Variants in AKAP13 observed in about 807,000 individuals in gnomAD.
AKAP13 encodes the protein A-kinase anchoring protein 13.
AKAP13 carries 80 observed loss-of-function variants against 264.5 expected under a neutral mutation model. The observed-to-expected ratio is 0.30, with a 90% confidence interval of 0.25 to 0.36. AKAP13 has a LOEUF of 0.36. Ranked by LOEUF, AKAP13 falls within the 10% of genes least tolerant of loss-of-function variation. The probability of loss-of-function intolerance (pLI) is 1.00; values close to 1 mark genes in which losing one functional copy is unlikely to be tolerated. For missense variants in AKAP13, 3,712 were observed against 3,435.2 expected (o/e 1.08, Z -2.01); for synonymous variants, 1,380 against 1,250.2 (o/e 1.10, Z -2.19).
intron 2 of AKAP13, among the ~76,000 whole-genome samples, chr15:85,495,230 A>G (rs1054568105): frequency 3.9e-5 from 6 of 152,172 alleles, no homozygotes; most frequent in African/African-American, 1.4e-4. Context: ...TGTAAAGCTC[A>G]GTTCCCATGG....
intron 8 of AKAP13, chr15:85,621,397 C>T (rs1429649341): frequency 6.6e-6 from 1 of 152,130 alleles, no homozygotes; most frequent in Non-Finnish European, 1.5e-5. Flanking sequence ...TTTGGTTTCT[C>T]AGAAATGTGA....
chr15:85,698,465 C>CAAA (rs35509705), intron 17 of AKAP13, among the ~76,000 whole-genome samples: 16,989 of 103,666 alleles, frequency 0.16, 1,864 homozygotes, highest in Non-Finnish European at 0.21. Flanking sequence ...ACTCTGTCTC[C>CAAA]AAAAAAAAAA....
chr15:85,635,013 G>T, intron 8 of AKAP13: 2 of 397,700 alleles, frequency 5.0e-6, no homozygotes, highest in South Asian at 2.6e-4. Context: ...GAGCTCTCAT[G>T]AATTAAAGCG....
chr15:85,557,216 C>G (rs2078183087), intron 5 of AKAP13, among the ~76,000 whole-genome samples: 1 of 152,130 alleles, frequency 6.6e-6, no homozygotes, highest in Admixed American at 6.5e-5. Context: ...TTTTTTAGCC[C>G]TCATTTCAGC....
At chr15:85,432,585 AACTTT>A (rs2073069988) in intron 1 of AKAP13, among the ~76,000 whole-genome samples, 1 of 152,182 alleles carries the variant, frequency 6.6e-6, no homozygotes, top group Non-Finnish European at 1.5e-5. Context: ...AACCAGGAAA[AACTTT>A]ACTTTGTTAT....
intron 3 of AKAP13, among the ~76,000 whole-genome samples, chr15:85,532,983 T>A (rs528029362): frequency 6.6e-6 from 1 of 152,376 alleles, no homozygotes; most frequent in African/African-American, 2.4e-5. Context: ...TGGGAAATAA[T>A]GTGTATCTGA....
rs1160050565 is a variant in AKAP13, at chr15:85,458,386, G to GTTT, written c.-11-27320_-11-27318dup. Among the ~76,000 whole-genome samples the GTTT allele has an allele frequency of 1.1e-3, 112 of 103,876 alleles. 1 individual carries two copies. The highest frequency in any genetic ancestry group is 4.6e-3 in the Middle Eastern group (1 of 218). 68.1% of individuals were successfully genotyped at this position (103,876 alleles called of 152,430 possible). On this transcript the variant is annotated intron_variant, in intron 1 of 36. Transcript: ENST00000394518. ...TTTTTTCTCTTTTTTTGTATTTTTTGTTTTTTGTTTTTTTTTTTTTTTACT... is the reference window on the plus strand; with the variant it reads ...TTTTTTCTCTTTTTTTGTATTTTTTGTTTTTTTTTGTTTTTTTTTTTTTTTACT...
At chr15:85,716,462 T>A (rs1039785870) in intron 20 of AKAP13, among the ~76,000 whole-genome samples, 3 of 152,218 alleles carry the variant, frequency 2.0e-5, no homozygotes, top group African/African-American at 2.4e-5. Context: ...TGGCCAGGCC[T>A]TGGCTGTCAA....
intron 8 of AKAP13, among the ~76,000 whole-genome samples, chr15:85,605,704 A>G (rs1037782281): frequency 5.9e-5 from 9 of 152,228 alleles, no homozygotes; most frequent in Non-Finnish European, 1.0e-4. Flanking sequence ...ATAAAAATCA[A>G]TATGTATTTA....
intron 1 of AKAP13, among the ~76,000 whole-genome samples, chr15:85,388,788 A>G (rs1479307913): frequency 6.6e-6 from 1 of 152,244 alleles, no homozygotes; most frequent in Non-Finnish European, 1.5e-5. Flanking sequence ...TTCATTTTAA[A>G]AATAGGTTCT....
intron 14 of AKAP13, among the ~76,000 whole-genome samples, chr15:85,673,807 T>C (rs1011122031): frequency 3.4e-5 from 5 of 148,524 alleles, no homozygotes; most frequent in African/African-American, 1.2e-4. Context: ...TGCCTCAACC[T>C]CCCGAGTAGC....
chr15:85,477,035 C>T (rs1165540068), intron 1 of AKAP13, among the ~76,000 whole-genome samples: 1 of 151,992 alleles, frequency 6.6e-6, no homozygotes, highest in African/African-American at 2.4e-5. Context: ...AAACTGTGAT[C>T]ACATTTTATG....
At chr15:85,544,738 A>C (rs2077678972) in intron 5 of AKAP13, among the ~76,000 whole-genome samples, 2 of 152,182 alleles carry the variant, frequency 1.3e-5, no homozygotes, top group African/African-American at 4.8e-5. Flanking sequence ...ATACATTTTT[A>C]TTAGTTTTGT....
intron 2 of AKAP13, among the ~76,000 whole-genome samples, chr15:85,511,944 T>G (rs528473650): frequency 7.9e-5 from 12 of 152,330 alleles, no homozygotes; most frequent in Non-Finnish European, 1.5e-4. Flanking sequence ...TTCTTTTTCC[T>G]TCTTAGGACG....
In AKAP13 at chr15:85,613,691, A is replaced by AAAAAAATATATATATATAT. The variant is rs1313187436; in HGVS notation, c.4162-25682_4162-25681insAAAAATATATATATATATA. Among the ~76,000 whole-genome samples, 140 of 91,910 alleles carry AAAAAAATATATATATATAT rather than the reference A, an allele frequency of 1.5e-3. 1 individual carries two copies. The highest frequency in any genetic ancestry group is 5.8e-3 in the African/African-American group (127 of 21,882). The allele number at this position is 91,910 out of a possible 152,430, so 60.3% of individuals were successfully genotyped here. A position where few individuals can be genotyped will look rare whatever the true frequency, so the allele number is the denominator to read the frequency against. On this transcript the variant is annotated intron_variant, in intron 8 of 36. Coordinates refer to ENST00000394518, the MANE Select transcript of AKAP13 (RefSeq NM_007200.5). ...GCCAGACTCCGTCTAAAAAAAAAAA[A>AAAAAAATATATATATATAT]ATATATATATATATATATATATTAG...
intron 1 of AKAP13, among the ~76,000 whole-genome samples, chr15:85,432,147 G>C (rs1300536079): frequency 6.6e-6 from 1 of 151,864 alleles, no homozygotes; most frequent in African/African-American, 2.4e-5. Context: ...ATGGAAAATA[G>C]CTTTCTCTTT....
chr15:85,537,652 T>C lies in AKAP13; in HGVS notation c.478+3772T>C, dbSNP rs531488132. On this transcript the variant is annotated intron_variant, in intron 4 of 36. Coordinates refer to ENST00000394518, the MANE Select transcript of AKAP13 (RefSeq NM_007200.5). ...AGAATTCTGGGTTTAACTTTGCTCT[T>C]ACAAAGTGGGAAAAGCAGGGGCATT... is the stretch of plus-strand genomic sequence containing the variant. 2.6e-4 allele frequency among the ~76,000 whole-genome samples: 39 copies of C among 152,364 alleles called. 1 individual carries two copies. Among genetic ancestry groups the C allele is most frequent in the African/African-American group, 9.4e-4 (39 of 41,588 alleles).
intron 8 of AKAP13, among the ~76,000 whole-genome samples, chr15:85,602,997 C>A (rs796484569): frequency 6.6e-6 from 1 of 152,164 alleles, no homozygotes; most frequent in Admixed American, 6.5e-5. Context: ...CTCATAGTGA[C>A]GACTACAGGC....
rs1201945391 is a variant in AKAP13, at chr15:85,589,294, A to G, written c.4161+3471A>G. Among the ~76,000 whole-genome samples, 6 of 152,208 alleles carry G rather than the reference A, an allele frequency of 3.9e-5. No homozygotes were observed. In the East Asian group the frequency reaches 1.2e-3, roughly 29 times the overall value. ...GTGGGACATATGGTCTCTTAAAACT[A>G]GTAAGCTTTGCTGTGAGTATGAAAG... On this transcript the variant is annotated intron_variant, in intron 8 of 36. Coordinates refer to ENST00000394518, the MANE Select transcript of AKAP13 (RefSeq NM_007200.5).
Sources: allele counts gnomAD v4.1 joint callset (sites outside exome capture counted in the v4.1 genomes callset), GRCh38; gene constraint gnomAD v4.1.1; transcripts MANE v1.5; gene names NCBI Gene and HGNC (gene_info 2026-07-23, HGNC 2026-07-21).